The following FHOD3 variants were observed in gnomAD, a reference collection of about 807,000 sequenced individuals.
FHOD3 encodes the protein formin homology 2 domain containing 3, also known as FH1/FH2 domain-containing protein 3.
Under a neutral mutation model 173.0 loss-of-function variants are expected in FHOD3, and 90 were observed. That is an observed-to-expected ratio of 0.52 (90% CI 0.44 to 0.62). FHOD3 has a LOEUF of 0.62. Ranked by LOEUF, FHOD3 falls within the 20% of genes least tolerant of loss-of-function variation. The probability of loss-of-function intolerance (pLI) is 0.00; values close to 1 mark genes in which losing one functional copy is unlikely to be tolerated. For missense variants in FHOD3, 1,945 were observed against 2,034.7 expected (o/e 0.96, Z 0.85); for synonymous variants, 828 against 823.0 (o/e 1.01, Z -0.10).
At chr18:36,655,336 T>C (rs1158806551) in intron 13 of FHOD3, among the ~76,000 whole-genome samples, 1 of 152,192 alleles carries the variant, frequency 6.6e-6, no homozygotes, top group African/African-American at 2.4e-5. Context: ...GATGCTGGTC[T>C]TTCTGGTGAT....
intron 17 of FHOD3, among the ~76,000 whole-genome samples, chr18:36,697,625 T>C (rs1008692398): frequency 6.6e-6 from 1 of 152,232 alleles, no homozygotes; most frequent in Admixed American, 6.5e-5. Flanking sequence ...AATGTCTGAT[T>C]GTTTGGCCCT....
At chr18:36,569,971 A>G (rs1568439619) in intron 5 of FHOD3, among the ~76,000 whole-genome samples, 1 of 152,136 alleles carries the variant, frequency 6.6e-6, no homozygotes, top group African/African-American at 2.4e-5. Context: ...GAGGGAAATA[A>G]TAATGTAAGC....
At chr18:36,747,338 A>G (rs1257598623) in intron 24 of FHOD3, among the ~76,000 whole-genome samples, 1 of 152,232 alleles carries the variant, frequency 6.6e-6, no homozygotes, top group East Asian at 1.9e-4. Context: ...TCAAACCTCA[A>G]AGTTGGAAGG....
At chr18:36,779,268 C>G in intron 28 of FHOD3, 180 bp from the exon 29 acceptor site, 2 of 592,652 alleles carry the variant, frequency 3.4e-6, no homozygotes, top group South Asian at 2.2e-5. Context: ...AACTTTTGTC[C>G]TGGCAGACAG....
chr18:36,756,062 A>G (rs1018167834), intron 25 of FHOD3, among the ~76,000 whole-genome samples: 9 of 152,192 alleles, frequency 5.9e-5, no homozygotes, highest in African/African-American at 2.2e-4. Context: ...AAAGGGATGC[A>G]TGACGATGCC....
intron 3 of FHOD3, among the ~76,000 whole-genome samples, chr18:36,453,498 C>T (rs1007430761): frequency 1.3e-5 from 2 of 152,246 alleles, no homozygotes; most frequent in Admixed American, 1.3e-4. Context: ...GCGTATGCCC[C>T]TACGTGCTCT....
intron 3 of FHOD3, among the ~76,000 whole-genome samples, chr18:36,456,135 G>A (rs996446170): frequency 1.3e-5 from 2 of 152,088 alleles, no homozygotes; most frequent in Non-Finnish European, 1.5e-5. Context: ...TTTGTCCTGC[G>A]CACTGAACAG....
intron 6 of FHOD3, 104 bp from the exon 7 acceptor site, chr18:36,594,683 C>T (rs544246645): frequency 3.1e-5 from 21 of 672,460 alleles, no homozygotes; most frequent in South Asian, 1.3e-4. Context: ...TTGCTGAGAG[C>T]GTCTCATCTA....
chr18:36,548,883 G>A (rs2057524671), intron 5 of FHOD3, among the ~76,000 whole-genome samples: 1 of 152,082 alleles, frequency 6.6e-6, no homozygotes, highest in Non-Finnish European at 1.5e-5. Context: ...AAGCCTTTGT[G>A]AACATCAGCG....
intron 10 of FHOD3, among the ~76,000 whole-genome samples, chr18:36,634,933 A>G (rs2034776614): frequency 6.6e-6 from 1 of 152,260 alleles, no homozygotes; most frequent in African/African-American, 2.4e-5. Flanking sequence ...AACCATTGGT[A>G]CTATGAGTGG....
intron 3 of FHOD3, among the ~76,000 whole-genome samples, chr18:36,385,455 G>A (rs2047984056): frequency 1.3e-5 from 2 of 152,156 alleles, no homozygotes; most frequent in South Asian, 4.2e-4. Context: ...GAAGTGTGGT[G>A]GTGAGATCTC....
chr18:36,623,376 C>T (rs886530580), intron 9 of FHOD3, among the ~76,000 whole-genome samples: 3 of 152,144 alleles, frequency 2.0e-5, no homozygotes, highest in African/African-American at 7.2e-5. Context: ...AGAATAAGTT[C>T]AAATGGTCTA....
At chr18:36,665,355 T>A (rs1442162780) in intron 14 of FHOD3, among the ~76,000 whole-genome samples, 1 of 152,164 alleles carries the variant, frequency 6.6e-6, no homozygotes, top group Admixed American at 6.5e-5. Context: ...TACACTTCAG[T>A]GGCAGAAGCA....
chr18:36,555,362 C>A (rs2057833728), intron 5 of FHOD3, among the ~76,000 whole-genome samples: 1 of 149,794 alleles, frequency 6.7e-6, no homozygotes. Context: ...TTGTTTATAA[C>A]TTGATTCCTT....
intron 3 of FHOD3, among the ~76,000 whole-genome samples, chr18:36,448,733 T>TG (rs11439720): frequency 0.76 from 115,561 of 152,030 alleles, 44,921 homozygotes; most frequent in African/African-American, 0.92. Context: ...CAACTCAGGA[T>TG]GGGAGCCTGC....
intron 8 of FHOD3, among the ~76,000 whole-genome samples, chr18:36,604,796 A>T (rs1218775799): frequency 2.0e-5 from 3 of 152,250 alleles, no homozygotes; most frequent in Non-Finnish European, 4.4e-5. Context: ...CTTATTTACA[A>T]AATGAAAATC....
intron 3 of FHOD3, among the ~76,000 whole-genome samples, chr18:36,386,826 G>T (rs2048057388): frequency 6.6e-6 from 1 of 152,106 alleles, no homozygotes; most frequent in Non-Finnish European, 1.5e-5. Flanking sequence ...GGGCCTCCAG[G>T]CTGTGGGGTC....
At position 36,625,553 on chromosome 18, in the gene FHOD3, C is replaced by A; in HGVS notation, c.1000C>A (p.Pro334Thr). ...GGATGGCGATGAGACCACGGAGCCACCCCCCAGTGGGTGCCGGGACCGGAG... is the reference window on the plus strand; with the variant it reads ...GGATGGCGATGAGACCACGGAGCCAACCCCCAGTGGGTGCCGGGACCGGAG... Reference protein sequence around the residue: ...HEDGDETTEPPPSGCRDRRRA... With the variant: ...HEDGDETTEPTPSGCRDRRRA... The change falls in exon 10 of 29, where the codon CCC becomes ACC. Residue 334 changes from proline (P) to threonine (T), a missense_variant. This residue lies in a region of FHOD3 where 1,099 missense variants were observed against 1,051.2 expected (regional missense o/e 1.05). Coordinates refer to ENST00000590592, the MANE Select transcript of FHOD3 (RefSeq NM_001281740.3). 6.7e-7 allele frequency: 1 copy of A among 1,498,662 alleles called. No homozygotes were observed. The highest frequency in any genetic ancestry group is 9.0e-7 in the Non-Finnish European group (1 of 1,112,878). The allele number at this position is 1,498,662 out of a possible 1,614,324, so 92.8% of individuals were successfully genotyped here.
rs2053660247 is a variant in FHOD3, at chr18:36,477,600, T to TA, written c.338-24331dup. Among the ~76,000 whole-genome samples, 3 of 146,986 alleles carry TA rather than the reference T, an allele frequency of 2.0e-5. No individual in the cohort carries two copies. In the East Asian group the frequency reaches 6.3e-4, roughly 31 times the overall value. ...CTACCTACCTACCTACCTACCTACC[T>TA]ATCTACCTATCTATCTATATCTATT... On this transcript the variant is annotated intron_variant, in intron 3 of 28. Transcript: ENST00000590592.
Sources: allele counts gnomAD v4.1 joint callset (sites outside exome capture counted in the v4.1 genomes callset), GRCh38; gene constraint gnomAD v4.1.1; regional missense constraint gnomAD v4.1.1; transcripts MANE v1.5; gene names NCBI Gene and HGNC (gene_info 2026-07-23, HGNC 2026-07-21).